Variants in MYO1D observed in about 807,000 individuals in gnomAD.
MYO1D encodes the protein unconventional myosin-Id.
In MYO1D, 83 loss-of-function variants were observed where a neutral mutation model predicts 122.0. The observed-to-expected ratio is 0.68, with a 90% CI of 0.57 to 0.82. The LOEUF (loss-of-function observed/expected upper bound fraction) is 0.82, where lower values mean the gene tolerates loss of function less well. MYO1D is among the 40% of genes least tolerant of loss of function. The probability of loss-of-function intolerance (pLI) is 0.00; values close to 1 mark genes in which losing one functional copy is unlikely to be tolerated. For synonymous variants in MYO1D, 464 were observed against 446.9 expected, an observed-to-expected ratio of 1.04 and a Z score of -0.48; for missense variants, 1,157 against 1,269.5, an observed-to-expected ratio of 0.91 and a Z score of 1.35.
chr17:32,866,208 T>C (rs141714766), intron 1 of MYO1D, among the ~76,000 whole-genome samples: 147 of 152,162 alleles, frequency 9.7e-4, no homozygotes, highest in African/African-American at 3.4e-3. Flanking sequence ...TAAACCCAAA[T>C]GTTAGGGCCA....
In MYO1D at chr17:32,672,260, C is replaced by T. The variant is rs181472108; in HGVS notation, c.2122-12922G>A. Among the ~76,000 whole-genome samples the T allele has an allele frequency of 1.7e-3, 254 of 152,270 alleles. 1 individual carries two copies. Among genetic ancestry groups the T allele is most frequent in the Middle Eastern group, 3.4e-3 (1 of 294 alleles). ...AGTAAATGATAAAACTGTATCTTAG[C>T]TCTGTCTGGCTCCAAGAATTGATCA... On this transcript the variant is annotated intron_variant, in intron 16 of 21. Transcript: ENST00000318217.
intron 12 of MYO1D, 25 bp downstream of exon 12, chr17:32,748,911 G>A: frequency 6.3e-7 from 1 of 1,589,666 alleles, no homozygotes; most frequent in Non-Finnish European, 8.6e-7. Flanking sequence ...GCAAATCATG[G>A]TAGGTACCAA....
At chr17:32,608,319 A>G (rs1470741713) in intron 20 of MYO1D, among the ~76,000 whole-genome samples, 1 of 152,248 alleles carries the variant, frequency 6.6e-6, no homozygotes, top group Admixed American at 6.5e-5. Context: ...GATGGATAAA[A>G]GATTTGAAAT....
chr17:32,494,681 T>A lies in MYO1D; in HGVS notation c.*78A>T. 1 of 1,446,270 alleles carries A rather than the reference T, an allele frequency of 6.9e-7. No homozygotes were observed. Among genetic ancestry groups the A allele is most frequent in the Non-Finnish European group, 9.2e-7 (1 of 1,086,296 alleles). 89.6% of individuals were successfully genotyped at this position (1,446,270 alleles called of 1,614,324 possible). A position where few individuals can be genotyped will look rare whatever the true frequency, so the allele number is the denominator to read the frequency against. ...CCTCGCAGCAGGTTTCTAGCGGGCA[T>A]GGGTTGGGAGGCAGCAGCTGGACTG... On this transcript the variant is annotated 3_prime_UTR_variant, in exon 22 of 22. Transcript: ENST00000318217.
intron 1 of MYO1D, among the ~76,000 whole-genome samples, chr17:32,854,729 A>G (rs1337876073): frequency 2.6e-5 from 4 of 152,228 alleles, no homozygotes; most frequent in Non-Finnish European, 5.9e-5. Flanking sequence ...GAGACTCAAA[A>G]TAAAATTAGA....
intron 21 of MYO1D, among the ~76,000 whole-genome samples, chr17:32,554,233 G>C (rs1212164675): frequency 2.0e-5 from 3 of 152,102 alleles, no homozygotes; most frequent in East Asian, 3.9e-4. Flanking sequence ...CTGAGGTTGA[G>C]AATCACTGCA....
intron 7 of MYO1D, among the ~76,000 whole-genome samples, chr17:32,767,364 T>C (rs2090068765): frequency 6.6e-6 from 1 of 152,234 alleles, no homozygotes; most frequent in South Asian, 2.1e-4. Flanking sequence ...CACTGCTGAA[T>C]TCCTTTATCC....
chr17:32,825,195 A>G (rs1016995458), intron 1 of MYO1D, among the ~76,000 whole-genome samples: 1 of 152,214 alleles, frequency 6.6e-6, no homozygotes, highest in African/African-American at 2.4e-5. Flanking sequence ...ATTAAGTACT[A>G]CTACAACAAA....
intron 20 of MYO1D, among the ~76,000 whole-genome samples, chr17:32,615,990 CT>C (rs1307971802): frequency 6.6e-6 from 1 of 152,216 alleles, no homozygotes; most frequent in Non-Finnish European, 1.5e-5. Flanking sequence ...CAAAGAGGCT[CT>C]GGACCTGTGG....
intron 14 of MYO1D, among the ~76,000 whole-genome samples, chr17:32,728,295 T>G (rs574378724): frequency 3.6e-4 from 55 of 151,932 alleles, no homozygotes; most frequent in Admixed American, 1.1e-3. Flanking sequence ...AACCTCGGAC[T>G]CCCGGGTTCA....
chr17:32,625,409 G>A (rs528181318), intron 20 of MYO1D, among the ~76,000 whole-genome samples: 1 of 152,286 alleles, frequency 6.6e-6, no homozygotes, highest in African/African-American at 2.4e-5. Flanking sequence ...CAACTTCTCT[G>A]AGAATTTATT....
intron 16 of MYO1D, among the ~76,000 whole-genome samples, chr17:32,682,567 T>C (rs1450015702): frequency 6.6e-6 from 1 of 150,448 alleles, no homozygotes; most frequent in African/African-American, 2.5e-5. Flanking sequence ...TTTAAGAATG[T>C]TGAATATTGG....
At chr17:32,827,706 A>T (rs1166308206) in intron 1 of MYO1D, among the ~76,000 whole-genome samples, 1 of 152,242 alleles carries the variant, frequency 6.6e-6, no homozygotes, top group Non-Finnish European at 1.5e-5. Flanking sequence ...AAAAAAAGAC[A>T]TCATTAAGTT....
In MYO1D at chr17:32,815,378, G is replaced by A. The variant is rs138889474; in HGVS notation, c.96-34594C>T. Among the ~76,000 whole-genome samples the A allele has an allele frequency of 3.6e-3, 552 of 152,300 alleles. 3 individuals are homozygous for A. Among genetic ancestry groups the A allele is most frequent in the African/African-American group, 0.012 (515 of 41,554 alleles). On this transcript the variant is annotated intron_variant, in intron 1 of 21. Coordinates refer to ENST00000318217, the MANE Select transcript of MYO1D (RefSeq NM_015194.3). The stretch of plus-strand genomic sequence containing the variant: ...CTGGATTTTCCTTATTTACCAGGAA[G>A]ACACCAAAAATATTGTGGTAGAAGA...
At chr17:32,832,514 G>C (rs2090781890) in intron 1 of MYO1D, among the ~76,000 whole-genome samples, 1 of 152,040 alleles carries the variant, frequency 6.6e-6, no homozygotes, top group African/African-American at 2.4e-5. Context: ...TAGCCAGGAT[G>C]GTCTCGATCT....
rs1018275145 is a variant in MYO1D, at chr17:32,653,295, G to GT, written c.2595+547dup. Reference sequence around the variant, plus strand: ...GAGGTCCCCGCAATCTAGTTTTTTTGTTTTTTTTTTCTAGTTTTAAAAAGA... The same window carrying GT: ...GAGGTCCCCGCAATCTAGTTTTTTTGTTTTTTTTTTTCTAGTTTTAAAAAGA... On this transcript the variant is annotated intron_variant, in intron 19 of 21. Transcript: ENST00000318217. 3.4e-3 allele frequency among the ~76,000 whole-genome samples: 502 copies of GT among 148,068 alleles called. 3 individuals carry two copies. The highest frequency in any genetic ancestry group is 0.011 in the African/African-American group (439 of 40,496).
chr17:32,574,400 T>A (rs1187948902), intron 21 of MYO1D, among the ~76,000 whole-genome samples: 6 of 152,180 alleles, frequency 3.9e-5, no homozygotes, highest in African/African-American at 1.4e-4. Context: ...AATTATAGTA[T>A]GTTGAGTAAA....
At chr17:32,703,521 TC>T (rs1375537100) in intron 16 of MYO1D, among the ~76,000 whole-genome samples, 1 of 151,904 alleles carries the variant, frequency 6.6e-6, no homozygotes, top group African/African-American at 2.4e-5. Context: ...GCTAAAGTGA[TC>T]CTCCTGCCTT....
chr17:32,600,007 C>T (rs938865408), intron 21 of MYO1D, among the ~76,000 whole-genome samples: 1 of 152,122 alleles, frequency 6.6e-6, no homozygotes, highest in Non-Finnish European at 1.5e-5. Context: ...CTCCTTTATC[C>T]ACGGGCTGCA....
Sources: gnomAD v4.1 joint callset for allele counts (sites outside exome capture counted in the v4.1 genomes callset) on GRCh38, gnomAD v4.1.1 for gene constraint, MANE v1.5 for transcripts, NCBI Gene and HGNC (gene_info 2026-07-23, HGNC 2026-07-21) for gene names.